Variants in RADIL observed in about 807,000 individuals in gnomAD.
The protein encoded by RADIL is Rap associating with DIL domain.
Under a neutral mutation model 97.6 loss-of-function variants are expected in RADIL, and 99 were observed. That is an observed-to-expected ratio of 1.01 (90% CI 0.86 to 1.20). The LOEUF is 1.20. Ranked by LOEUF, RADIL falls within the 50% of genes most tolerant of loss-of-function variation. The pLI is 0.00. For synonymous variants in RADIL, 803 were observed against 691.8 expected (o/e 1.16, Z -2.52); for missense variants, 1,765 against 1,498.9 (o/e 1.18, Z -2.93).
rs1036055978 is a variant in RADIL, at chr7:4,798,254, G to A, written c.*1124C>T. The A allele has an allele frequency of 6.6e-6, 1 of 152,082 alleles. No homozygotes were observed. The highest frequency in any genetic ancestry group is 1.5e-5 in the Non-Finnish European group (1 of 68,008). 9.4% of individuals were successfully genotyped at this position (152,082 alleles called of 1,614,324 possible). ...TGCGGGTCGGCAGAGGGCGCGGGGC[G>A]GACGCGCTGCACCTCGCCGTAGCGC... On this transcript the variant is annotated 3_prime_UTR_variant, in exon 15 of 15. Transcript: ENST00000399583.
intron 2 of RADIL, chr7:4,865,521 C>T: frequency 1.3e-6 from 1 of 781,228 alleles, no homozygotes; most frequent in Non-Finnish European, 2.4e-6. Flanking sequence ...TATGCGCAGC[C>T]AATATTCTTC....
At chr7:4,855,827 G>C (rs1783815592) in intron 2 of RADIL, among the ~76,000 whole-genome samples, 1 of 151,864 alleles carries the variant, frequency 6.6e-6, no homozygotes, top group Non-Finnish European at 1.5e-5. Context: ...ACAGAGTCTT[G>C]CTCTGTCGCT....
At position 4,818,046 on chromosome 7, in the gene RADIL, C is replaced by A. The variant is rs80151546; in HGVS notation, c.1616-695G>T. On this transcript the variant is annotated intron_variant, in intron 6 of 14. Transcript: ENST00000399583. This position sits in a 1 kb window ranked among gnomAD's most constrained non-coding sequence, Gnocchi z 7.1. ...GAAGGGGCCAGGACCCTGGGTGTTC[C>A]GCCTTTGGGCGCCTTCATTCTCTCC... is the stretch of plus-strand genomic sequence containing the variant. 8.1e-3 allele frequency among the ~76,000 whole-genome samples: 1,234 copies of A among 152,346 alleles called. 17 individuals are homozygous for A. Among genetic ancestry groups the A allele is most frequent in the African/African-American group, 0.029 (1,193 of 41,586 alleles).
intron 5 of RADIL, 68 bp downstream of exon 5, chr7:4,832,073 C>G: frequency 1.9e-6 from 3 of 1,555,658 alleles, no homozygotes; most frequent in Non-Finnish European, 2.6e-6. Context: ...GGACTTGGCT[C>G]CCCCGGGAAG....
At position 4,867,433 on chromosome 7, in the gene RADIL, T is replaced by C. The variant is rs1391802783; in HGVS notation, c.535+10172A>G. Among the ~76,000 whole-genome samples, 2 of 152,112 alleles carry C rather than the reference T, an allele frequency of 1.3e-5. No homozygotes were observed. Among genetic ancestry groups the C allele is most frequent in the African/African-American group, 4.8e-5 (2 of 41,426 alleles). On this transcript the variant is annotated intron_variant, in intron 2 of 14. Transcript: ENST00000399583. This position sits in a 1 kb window ranked among gnomAD's most constrained non-coding sequence, Gnocchi z 4.1. Reference sequence around the variant, plus strand: ...GTAGTATAGGCATATAATGGAAAACTATGAATCAGTCAAAAGCAATGAGCT... The same window carrying C: ...GTAGTATAGGCATATAATGGAAAACCATGAATCAGTCAAAAGCAATGAGCT...
At position 4,877,634 on chromosome 7, in the gene RADIL, G is replaced by A; in HGVS notation, c.506C>T (p.Ala169Val). The A allele has an allele frequency of 6.2e-7, 1 of 1,608,168 alleles. No homozygotes were observed. Among genetic ancestry groups the A allele is most frequent in the African/African-American group, 1.3e-5 (1 of 74,922 alleles). ...LRKRSDVEEL[A>V]AKEVDTITAG... ...CGTGATGGTGTCCACCTCCTTGGCTGCCAGCTCCTCCACGTCCGACCTCTT... is the reference window on the plus strand; with the variant it reads ...CGTGATGGTGTCCACCTCCTTGGCTACCAGCTCCTCCACGTCCGACCTCTT... The change falls in exon 2 of 15, where the codon GCA becomes GTA. Residue 169 changes from alanine (A) to valine (V), a missense_variant. Transcript: ENST00000399583.
rs187556175 is a variant in RADIL at position 4,880,515 on chromosome 7, G to A, written c.-64-2312C>T. Among the ~76,000 whole-genome samples the A allele has an allele frequency of 1.0e-3, 156 of 152,258 alleles. No homozygotes were observed. Among genetic ancestry groups the A allele is most frequent in the African/African-American group, 3.6e-3 (149 of 41,558 alleles). ...AACCCCTCAAAGAGCCTCTCCAGCC[G>A]GCACTTATTAACCATCCATGAGAGC... On this transcript the variant is annotated intron_variant, in intron 1 of 14. Coordinates refer to ENST00000399583, the MANE Select transcript of RADIL (RefSeq NM_018059.5). This position sits in a 1 kb window ranked among gnomAD's most constrained non-coding sequence, Gnocchi z 4.5.
chr7:4,861,848 A>G (rs1385602708), intron 2 of RADIL: 10 of 1,385,170 alleles, frequency 7.2e-6, no homozygotes, highest in South Asian at 5.2e-5. Flanking sequence ...GTCCCCCACC[A>G]CCGCGACCTT....
At position 4,809,110 on chromosome 7, in the gene RADIL, C is replaced by T. The variant is rs530014362; in HGVS notation, c.2140-3394G>A. ...TAGACGCTCTGCTCAGGATGCGGGG[C>T]GCAGGACAGGCGCTTCCTGGCCTCA... On this transcript the variant is annotated intron_variant, in intron 9 of 14. Transcript: ENST00000399583. 607 of 984,890 alleles carry T rather than the reference C, an allele frequency of 6.2e-4. 4 individuals are homozygous for T. The South Asian group carries it at 0.015, about 24-fold the overall frequency. 61.0% of individuals were successfully genotyped at this position (984,890 alleles called of 1,614,324 possible). A position where few individuals can be genotyped will look rare whatever the true frequency, so the allele number is the denominator to read the frequency against.
intron 2 of RADIL, among the ~76,000 whole-genome samples, chr7:4,848,498 TG>T (rs1783631410): frequency 6.6e-6 from 1 of 150,580 alleles, no homozygotes; most frequent in African/African-American, 2.4e-5. Context: ...GACAACAGAG[TG>T]TTAAGGGAAT....
rs1186905614 is a variant in RADIL, at chr7:4,819,655, G to A, written c.1616-2304C>T. ...AAACAGTGTTTGCGGAATGACAACA[G>A]CCACGTGACCCACCCTCGGGACGCG... On this transcript the variant is annotated intron_variant, in intron 6 of 14. Transcript: ENST00000399583. The surrounding 1 kb of genome is among the most constrained non-coding windows in gnomAD (Gnocchi z 5.8). Among the ~76,000 whole-genome samples, 3 of 152,206 alleles carry A rather than the reference G, an allele frequency of 2.0e-5. No homozygotes were observed. The highest frequency in any genetic ancestry group is 4.4e-5 in the Non-Finnish European group (3 of 68,038).
At chr7:4,820,868 C>T (rs934494933) in intron 6 of RADIL, among the ~76,000 whole-genome samples, 3 of 152,180 alleles carry the variant, frequency 2.0e-5, no homozygotes, top group Non-Finnish European at 2.9e-5. Context: ...GCAGATGCCC[C>T]GCCACCTCCC....
At chr7:4,860,258 T>C in intron 2 of RADIL, 1 of 1,613,982 alleles carries the variant, frequency 6.2e-7, no homozygotes, top group Non-Finnish European at 8.5e-7. Flanking sequence ...GTCGTTCAAA[T>C]CTGTCAATCT....
At position 4,836,904 on chromosome 7, in the gene RADIL, C is replaced by T. The variant is rs1783315912; in HGVS notation, c.536-299G>A. On this transcript the variant is annotated intron_variant, in intron 2 of 14. Coordinates refer to ENST00000399583, the MANE Select transcript of RADIL (RefSeq NM_018059.5). The stretch of plus-strand genomic sequence containing the variant: ...AGTGAGCTGAGATTGCACCACTGCA[C>T]TCCAGCCTGGGTGACAAGAGCGAAA... Among the ~76,000 whole-genome samples, 3 of 152,112 alleles carry T rather than the reference C, an allele frequency of 2.0e-5. No homozygotes were observed. In the South Asian group the frequency reaches 6.2e-4, roughly 32 times the overall value.
At position 4,875,666 on chromosome 7, in the gene RADIL, G is replaced by A. The variant is rs148374804; in HGVS notation, c.535+1939C>T. ...TTGCCCGCTGCTTGGCAGAGGCAAC[G>A]CATGGTGGAAGAATGACCGAAATTC... On this transcript the variant is annotated intron_variant, in intron 2 of 14. Coordinates refer to ENST00000399583, the MANE Select transcript of RADIL (RefSeq NM_018059.5). Among the ~76,000 whole-genome samples, 105 of 152,328 alleles carry A rather than the reference G, an allele frequency of 6.9e-4. 1 individual carries two copies. The East Asian group carries it at 0.02, about 29-fold the overall frequency.
chr7:4,843,073 T>A (rs988638957), intron 2 of RADIL, among the ~76,000 whole-genome samples: 14 of 150,782 alleles, frequency 9.3e-5, no homozygotes, highest in Admixed American at 6.0e-4. Context: ...GTGGTGCCAT[T>A]TCAGCTCACT....
At position 4,818,552 on chromosome 7, in the gene RADIL, G is replaced by A. The variant is rs1782739777; in HGVS notation, c.1616-1201C>T. On this transcript the variant is annotated intron_variant, in intron 6 of 14. Transcript: ENST00000399583. This position sits in a 1 kb window ranked among gnomAD's most constrained non-coding sequence, Gnocchi z 7.1. Reference sequence around the variant, plus strand: ...TGGAGGGACCCCGGGGTCCGGGGCAGTAAGGGGCTCTCGGGCTCTGCCAAC... The same window carrying A: ...TGGAGGGACCCCGGGGTCCGGGGCAATAAGGGGCTCTCGGGCTCTGCCAAC... Among the ~76,000 whole-genome samples the A allele has an allele frequency of 6.6e-6, 1 of 152,212 alleles. No homozygotes were observed. Among genetic ancestry groups the A allele is most frequent in the African/African-American group, 2.4e-5 (1 of 41,468 alleles).
In RADIL at chr7:4,824,820, G is replaced by A. The variant is rs145112025; in HGVS notation, c.1455-2266C>T. ...TATACAGTTAAAGAAGGATTCGCTG[G>A]GCTCTTCGGAGACTAATTCCATCTT... On this transcript the variant is annotated intron_variant, in intron 5 of 14. Transcript: ENST00000399583. The surrounding 1 kb of genome is among the most constrained non-coding windows in gnomAD (Gnocchi z 6.7). 1.9e-3 allele frequency among the ~76,000 whole-genome samples: 294 copies of A among 152,334 alleles called. No individual in the cohort carries two copies. The highest frequency in any genetic ancestry group is 2.5e-3 in the Non-Finnish European group (168 of 68,030).
At chr7:4,810,491 G>T (rs769652903) in intron 9 of RADIL, among the ~76,000 whole-genome samples, 1 of 152,184 alleles carries the variant, frequency 6.6e-6, no homozygotes, top group Admixed American at 6.5e-5. Flanking sequence ...GCTCAGTCAC[G>T]TTGCTCTGCC....
Sources: gnomAD v4.1 joint callset for allele counts (sites outside exome capture counted in the v4.1 genomes callset) on GRCh38, gnomAD v4.1.1 for gene constraint, Gnocchi (gnomAD v3.1) non-coding constraint, MANE v1.5 for transcripts, NCBI Gene and HGNC (gene_info 2026-07-23, HGNC 2026-07-21) for gene names.